ANKHD1: variants seen among roughly 807,000 people sequenced by gnomAD.
ANKHD1 encodes ankyrin repeat and KH domain containing 1.
ANKHD1 carries 31 observed loss-of-function variants against 230.5 expected under a neutral mutation model. The observed-to-expected ratio is 0.13, with a 90% confidence interval of 0.10 to 0.18. The LOEUF (loss-of-function observed/expected upper bound fraction) is 0.18, where lower values mean the gene tolerates loss of function less well. ANKHD1 is among the 10% of genes least tolerant of loss of function. The pLI, the probability that ANKHD1 is intolerant of heterozygous loss-of-function variation, is 1.00. For missense variants in ANKHD1, 2,256 were observed against 3,071.3 expected (o/e 0.73, Z 6.27); for synonymous variants, 1,074 against 1,117.6 (o/e 0.96, Z 0.78).
intron 10 of ANKHD1, among the ~76,000 whole-genome samples, chr5:140,476,882 A>T (rs1327752647): frequency 6.6e-6 from 1 of 152,174 alleles, no homozygotes; most frequent in East Asian, 1.9e-4. Context: ...AATCAGAAGG[A>T]TGTGTTAGAG....
At position 140,490,626 on chromosome 5, in the gene ANKHD1, G is replaced by A. The variant is rs1221625416; in HGVS notation, c.2245+3566G>A. On this transcript the variant is annotated intron_variant, in intron 14 of 33. Transcript: ENST00000360839. The stretch of plus-strand genomic sequence containing the variant: ...TATTCAGATGGGAAAGGATACATAA[G>A]TAATGTAAATCCGTTGCCTTGTTAT... Among the ~76,000 whole-genome samples, 3 of 152,214 alleles carry A rather than the reference G, an allele frequency of 2.0e-5. No homozygotes were observed. In the East Asian group the frequency reaches 5.8e-4, roughly 29 times the overall value.
intron 1 of ANKHD1, among the ~76,000 whole-genome samples, chr5:140,409,549 ATTT>A (rs5871734): frequency 3.2e-4 from 40 of 125,112 alleles, no homozygotes; most frequent in Admixed American, 4.8e-4. Flanking sequence ...TACTGTAACA[ATTT>A]TTTTTTTTTT....
At position 140,526,014 on chromosome 5, in the gene ANKHD1, T is replaced by C; in HGVS notation, c.4511T>C (p.Ile1504Thr). 1.9e-6 allele frequency: 3 copies of C among 1,580,402 alleles called. No homozygotes were observed. The highest frequency in any genetic ancestry group is 2.6e-6 in the Non-Finnish European group (3 of 1,169,726). ...ATTTCAGTGGAGCAAGAAGTTCCCA[T>C]AGAACCTCCTAGTGCAACCACCACC... ...NDEDVEQEVP[I>T]EPPSATTTTT... Residue 1504 changes from isoleucine to threonine, a missense_variant, in exon 26 of 34, where the codon ATA becomes ACA. Physicochemically the swap from Ile to Thr is moderately conservative, Grantham distance 89 (BLOSUM62 -1). This residue lies in a region of ANKHD1 where 212 missense variants were observed against 257.3 expected (regional missense o/e 0.82). Transcript: ENST00000360839.
chr5:140,477,614 C>A (rs977815218), intron 10 of ANKHD1, among the ~76,000 whole-genome samples: 1 of 152,032 alleles, frequency 6.6e-6, no homozygotes, highest in Non-Finnish European at 1.5e-5. Context: ...AAGGAAAATA[C>A]TTTTTCTTTT....
chr5:140,401,889 C>T lies in ANKHD1; in HGVS notation c.-79C>T, dbSNP rs1769972072. ...GGAAAGGAGACGCTTCTTCCTCTTGCTGCTCTTCTCGTTCCCGAGATCAGC... is the reference window on the plus strand; with the variant it reads ...GGAAAGGAGACGCTTCTTCCTCTTGTTGCTCTTCTCGTTCCCGAGATCAGC... On this transcript the variant is annotated 5_prime_UTR_variant, in exon 1 of 34. Coordinates refer to ENST00000360839, the MANE Select transcript of ANKHD1 (RefSeq NM_017747.3). The T allele has an allele frequency of 1.3e-6, 2 of 1,485,820 alleles. No homozygotes were observed. The highest frequency in any genetic ancestry group is 2.6e-5 in the Admixed American group (1 of 38,630). 92.0% of individuals were successfully genotyped at this position (1,485,820 alleles called of 1,614,324 possible).
intron 26 of ANKHD1, 131 bp from the exon 27 acceptor site, chr5:140,526,797 C>T (rs1188510823): frequency 1.6e-6 from 2 of 1,283,984 alleles, no homozygotes; most frequent in Non-Finnish European, 2.0e-6. Flanking sequence ...GTTTTTCTGA[C>T]TCATTGATTA....
At chr5:140,419,763 C>T (rs1771724909) in intron 1 of ANKHD1, among the ~76,000 whole-genome samples, 1 of 148,260 alleles carries the variant, frequency 6.7e-6, no homozygotes, top group Non-Finnish European at 1.5e-5. Context: ...TTTCTCTTCT[C>T]TTTCCTTTCT....
intron 1 of ANKHD1, among the ~76,000 whole-genome samples, chr5:140,427,467 A>G (rs1772577339): frequency 8.9e-6 from 1 of 112,348 alleles, no homozygotes; most frequent in Non-Finnish European, 1.8e-5. Context: ...GGCCGGGCAG[A>G]GGGGCTCCTC....
intron 11 of ANKHD1, 45 bp downstream of exon 11, chr5:140,482,712 G>T: frequency 6.3e-7 from 1 of 1,586,060 alleles, no homozygotes; most frequent in South Asian, 1.2e-5. Context: ...TACAGTTTAT[G>T]GAAAAAAAAA....
At chr5:140,418,892 G>A (rs1229217000) in intron 1 of ANKHD1, among the ~76,000 whole-genome samples, 3 of 151,894 alleles carry the variant, frequency 2.0e-5, no homozygotes, top group Non-Finnish European at 4.4e-5. Context: ...CAACACTCCT[G>A]GCTAATTTTT....
rs578248410 is a variant in ANKHD1 at position 140,437,326 on chromosome 5, A to G, written c.460+1069A>G. Among the ~76,000 whole-genome samples the G allele has an allele frequency of 6.6e-5, 10 of 152,294 alleles. No homozygotes were observed. In the South Asian group the frequency reaches 2.1e-3, roughly 32 times the overall value. On this transcript the variant is annotated intron_variant, in intron 2 of 33. Coordinates refer to ENST00000360839, the MANE Select transcript of ANKHD1 (RefSeq NM_017747.3). ...TAGTTTATAGCCTTATATATCTGTA[A>G]CTTTTCTTACTTGTGCAAGTATCTC...
At position 140,526,315 on chromosome 5, in the gene ANKHD1, G is replaced by A. The variant is rs747640617; in HGVS notation, c.4812G>A (p.Glu1604=). 6 of 1,614,238 alleles carry A rather than the reference G, an allele frequency of 3.7e-6. No individual in the cohort carries two copies. In the South Asian group the frequency reaches 6.6e-5, roughly 18 times the overall value. The part of the protein sequence containing the change: ...DNLDSTDCNS[E]SSSGGKSQEL... ...TGGACAGCACAGACTGCAACAGTGAGAGTAGCAGTGGTGGTAAAAGCCAAG... is the reference window on the plus strand; with the variant it reads ...TGGACAGCACAGACTGCAACAGTGAAAGTAGCAGTGGTGGTAAAAGCCAAG... The change falls in exon 26 of 34, where the codon GAG becomes GAA. Residue 1604 remains glutamate (E), a synonymous_variant. Coordinates refer to ENST00000360839, the MANE Select transcript of ANKHD1 (RefSeq NM_017747.3).
At chr5:140,456,928 G>A (rs1489272173) in intron 7 of ANKHD1, among the ~76,000 whole-genome samples, 1 of 152,120 alleles carries the variant, frequency 6.6e-6, no homozygotes, top group Non-Finnish European at 1.5e-5. Context: ...GCAACCTACA[G>A]AATGGGAGAA....
chr5:140,439,819 G>C (rs1463543423), intron 3 of ANKHD1, among the ~76,000 whole-genome samples: 7 of 152,116 alleles, frequency 4.6e-5, no homozygotes, highest in Non-Finnish European at 1.0e-4. Flanking sequence ...CCGTGGGTTG[G>C]ACATGCTTGG....
chr5:140,404,494 T>C (rs1170440803), intron 1 of ANKHD1, among the ~76,000 whole-genome samples: 1 of 151,688 alleles, frequency 6.6e-6, no homozygotes, highest in Admixed American at 6.6e-5. Context: ...GTGCGGTGGC[T>C]CGATCTTGGC....
intron 1 of ANKHD1, among the ~76,000 whole-genome samples, chr5:140,410,852 C>T (rs1246017636): frequency 6.6e-6 from 1 of 151,990 alleles, no homozygotes; most frequent in Non-Finnish European, 1.5e-5. Context: ...GTATTATCTA[C>T]ATTTTTATAG....
intron 1 of ANKHD1, among the ~76,000 whole-genome samples, chr5:140,432,771 A>G (rs1773145106): frequency 6.6e-6 from 1 of 152,094 alleles, no homozygotes; most frequent in African/African-American, 2.4e-5. Context: ...ACAGTCGTAC[A>G]ATCATAGCTC....
At chr5:140,442,971 T>C (rs1773976708) in intron 5 of ANKHD1, among the ~76,000 whole-genome samples, 1 of 151,932 alleles carries the variant, frequency 6.6e-6, no homozygotes, top group South Asian at 2.1e-4. Flanking sequence ...AGTGGTGCGA[T>C]CTCAGCTCAC....
At chr5:140,419,824 TTC>T (rs1473662996) in intron 1 of ANKHD1, among the ~76,000 whole-genome samples, 4 of 125,718 alleles carry the variant, frequency 3.2e-5, no homozygotes, top group Admixed American at 8.4e-5. Flanking sequence ...CTTTCTTTCT[TTC>T]TTTCTTTCTT....
Sources: allele counts gnomAD v4.1 joint callset (sites outside exome capture counted in the v4.1 genomes callset), GRCh38; gene constraint gnomAD v4.1.1; regional missense constraint gnomAD v4.1.1; transcripts MANE v1.5; gene names NCBI Gene and HGNC (gene_info 2026-07-23, HGNC 2026-07-21).